Variants in PHACTR2 observed in about 807,000 individuals in gnomAD.
PHACTR2 encodes chromosome 6 open reading frame 56.
Under a neutral mutation model 76.0 loss-of-function variants are expected in PHACTR2, and 30 were observed. The ratio of observed to expected loss-of-function variants is 0.39; its 90% CI spans 0.30 to 0.54. The LOEUF (loss-of-function observed/expected upper bound fraction) is 0.54. Among genes scored for constraint, PHACTR2 ranks in the 20% least tolerant of loss-of-function variants. The pLI is 0.61. For missense variants in PHACTR2, 696 were observed against 781.1 expected (o/e 0.89, Z 1.30); for synonymous variants, 292 against 292.5 (o/e 1.00, Z 0.02).
intron 4 of PHACTR2, among the ~76,000 whole-genome samples, chr6:143,756,149 C>T (rs968209530): frequency 5.3e-5 from 8 of 152,116 alleles, no homozygotes; most frequent in African/African-American, 1.9e-4. Context: ...GACAATATCT[C>T]AATACTTTAA....
At chr6:143,771,170 A>ATGTG (rs1562300708) in intron 6 of PHACTR2, among the ~76,000 whole-genome samples, 8 of 27,526 alleles carry the variant, frequency 2.9e-4, no homozygotes, top group African/African-American at 1.1e-3. Flanking sequence ...ATATATATAT[A>ATGTG]TATGTATATA....
chr6:143,682,817 TAGCTATGGGTTTCTTC>T (rs1448773261), intron 1 of PHACTR2, among the ~76,000 whole-genome samples: 1 of 152,150 alleles, frequency 6.6e-6, no homozygotes, highest in African/African-American at 2.4e-5. Flanking sequence ...ACTGTGCTAT[TAGCTATGGGTTTCTTC>T]ATAGGTTCAC....
intron 1 of PHACTR2, among the ~76,000 whole-genome samples, chr6:143,655,999 G>A (rs925743636): frequency 1.3e-5 from 2 of 152,190 alleles, no homozygotes; most frequent in Admixed American, 6.5e-5. Context: ...TCAAAAAAGA[G>A]TTCTTTATTC....
chr6:143,767,491 A>G lies in PHACTR2; in HGVS notation c.1232+1693A>G, dbSNP rs559993630. On this transcript the variant is annotated intron_variant, in intron 6 of 12. Transcript: ENST00000440869. This position sits in a 1 kb window ranked among gnomAD's most constrained non-coding sequence, Gnocchi z 4.4. ...ATTTTAATAAAAGATATGGGAAAAG[A>G]AGATTTATTGAAATGAACGGTTATG... is the stretch of plus-strand genomic sequence containing the variant. 1.3e-5 allele frequency among the ~76,000 whole-genome samples: 2 copies of G among 152,352 alleles called. No individual in the cohort carries two copies. Among genetic ancestry groups the G allele is most frequent in the South Asian group, 4.1e-4 (2 of 4,826 alleles).
At position 143,570,308 on chromosome 6, in the gene PHACTR2, T is replaced by C. The variant is rs1476230345; in HGVS notation, c.217+33101T>C. On this transcript the variant is annotated intron_variant, in intron 1 of 11. Coordinates refer to the PHACTR2 transcript ENST00000367584. The surrounding 1 kb of genome is among the most constrained non-coding windows in gnomAD (Gnocchi z 4.6). ...AGGTGAAGCCCCATTTGTTTTTCCA[T>C]TCAGCCACCCGCTGGCCCTAATCAC... is the stretch of plus-strand genomic sequence containing the variant. Among the ~76,000 whole-genome samples, 2 of 152,202 alleles carry C rather than the reference T, an allele frequency of 1.3e-5. No homozygotes were observed. The highest frequency in any genetic ancestry group is 1.3e-4 in the Admixed American group (2 of 15,288).
rs757942771 is a variant in PHACTR2 at position 143,739,589 on chromosome 6, C to T, written c.215-9396C>T. Among the ~76,000 whole-genome samples, 1 of 152,166 alleles carries T rather than the reference C, an allele frequency of 6.6e-6. No homozygotes were observed. Among genetic ancestry groups the T allele is most frequent in the Admixed American group, 6.5e-5 (1 of 15,280 alleles). On this transcript the variant is annotated intron_variant, in intron 2 of 12. Coordinates refer to ENST00000440869, the MANE Select transcript of PHACTR2 (RefSeq NM_001100164.2). The surrounding 1 kb of genome is among the most constrained non-coding windows in gnomAD (Gnocchi z 4.3). ...TTCAAAAACACCTGTCTTAGGCATT[C>T]GTGTTTCTTATGAGTTTGCGAGAGT...
rs1778705301 is a variant in PHACTR2, at chr6:143,731,741, T to C, written c.215-17244T>C. Among the ~76,000 whole-genome samples the C allele has an allele frequency of 6.6e-6, 1 of 152,246 alleles. No individual in the cohort carries two copies. The highest frequency in any genetic ancestry group is 1.5e-5 in the Non-Finnish European group (1 of 68,044). On this transcript the variant is annotated intron_variant, in intron 2 of 12. Transcript: ENST00000440869. The surrounding 1 kb of genome is among the most constrained non-coding windows in gnomAD (Gnocchi z 4.9). ...GGCAACACCAACTTTATACAATCAG[T>C]TGGCAACTGTTCCCTCCTCTTCTGT...
At chr6:143,747,698 A>G (rs982168627) in intron 2 of PHACTR2, among the ~76,000 whole-genome samples, 4 of 152,204 alleles carry the variant, frequency 2.6e-5, no homozygotes, top group Non-Finnish European at 5.9e-5. Context: ...AAAGTGCCCT[A>G]GACTCCTTAT....
At chr6:143,565,819 G>T (rs1268520340) in intron 1 of PHACTR2, among the ~76,000 whole-genome samples, 4 of 152,120 alleles carry the variant, frequency 2.6e-5, no homozygotes, top group Non-Finnish European at 5.9e-5. Flanking sequence ...GTTGCTGCAG[G>T]GTGGAGTGAG....
intron 1 of PHACTR2, among the ~76,000 whole-genome samples, chr6:143,576,702 C>T (rs1480943776): frequency 6.6e-6 from 1 of 151,898 alleles, no homozygotes; most frequent in East Asian, 1.9e-4. Context: ...CATGGCAAAA[C>T]CCCATCTCTA....
chr6:143,763,648 G>A (rs1399234645), intron 5 of PHACTR2, among the ~76,000 whole-genome samples: 1 of 152,098 alleles, frequency 6.6e-6, no homozygotes, highest in African/African-American at 2.4e-5. Context: ...AAAACCATAG[G>A]GATTCCTTTT....
chr6:143,558,805 G>A lies in PHACTR2; in HGVS notation c.217+21598G>A, dbSNP rs566706307. Among the ~76,000 whole-genome samples the A allele has an allele frequency of 6.6e-6, 1 of 152,190 alleles. No individual in the cohort carries two copies. Among genetic ancestry groups the A allele is most frequent in the African/African-American group, 2.4e-5 (1 of 41,448 alleles). ...GTTAGGATTTGTAGACCTCTGAGGA[G>A]GATTTCAGGACCTTGCTGCAAACAG... is the stretch of plus-strand genomic sequence containing the variant. On this transcript the variant is annotated intron_variant, in intron 1 of 11. Transcript: ENST00000367584. This position sits in a 1 kb window ranked among gnomAD's most constrained non-coding sequence, Gnocchi z 4.7.
chr6:143,771,227 T>C (rs1444342594), intron 6 of PHACTR2, among the ~76,000 whole-genome samples: 1 of 116,086 alleles, frequency 8.6e-6, no homozygotes, highest in African/African-American at 3.4e-5. Flanking sequence ...TATATATATA[T>C]ATATATATGC....
At position 143,610,883 on chromosome 6, in the gene PHACTR2, A is replaced by C. The variant is rs1775964161; in HGVS notation, c.13+2561A>C. On this transcript the variant is annotated intron_variant, in intron 1 of 11. Transcript: ENST00000305766. This position sits in a 1 kb window ranked among gnomAD's most constrained non-coding sequence, Gnocchi z 4.9. ...TGGAATATGTCAGGGCAATTTTAGC[A>C]ATATCTAACATTTTCTTCTTTTTTT... is the stretch of plus-strand genomic sequence containing the variant. Among the ~76,000 whole-genome samples the C allele has an allele frequency of 6.6e-6, 1 of 152,184 alleles. No individual in the cohort carries two copies. Among genetic ancestry groups the C allele is most frequent in the South Asian group, 2.1e-4 (1 of 4,820 alleles).
In PHACTR2 at chr6:143,765,246, GTC is replaced by G. The variant is rs1562298151; in HGVS notation, c.695-9_695-8del. 2 of 1,583,170 alleles carry G rather than the reference GTC, an allele frequency of 1.3e-6. No homozygotes were observed. Among genetic ancestry groups the G allele is most frequent in the South Asian group, 1.1e-5 (1 of 88,060 alleles). ...GTATTCTTTGATTTTTTAATGCAAG[GTC>G]TCTCTATTGTAGCTGGCTCCTCTCA... On this transcript the variant is annotated splice_polypyrimidine_tract_variant and intron_variant, in intron 5 of 12. Transcript: ENST00000440869. This position sits in a 1 kb window ranked among gnomAD's most constrained non-coding sequence, Gnocchi z 4.1.
intron 11 of PHACTR2, among the ~76,000 whole-genome samples, chr6:143,804,501 A>G (rs1434040653): frequency 6.6e-6 from 1 of 152,214 alleles, no homozygotes; most frequent in Non-Finnish European, 1.5e-5. Context: ...TCACCTCTTG[A>G]TGGGGGAATA....
chr6:143,644,677 A>G (rs1195744525), intron 1 of PHACTR2, among the ~76,000 whole-genome samples: 1 of 151,904 alleles, frequency 6.6e-6, no homozygotes, highest in Non-Finnish European at 1.5e-5. Context: ...TTACAAATAT[A>G]ATTGGCAACC....
At chr6:143,705,455 C>T (rs1361137880) in intron 1 of PHACTR2, among the ~76,000 whole-genome samples, 1 of 152,060 alleles carries the variant, frequency 6.6e-6, no homozygotes, top group African/African-American at 2.4e-5. Flanking sequence ...CCACTGCGCC[C>T]AGCCAATTTT....
intron 1 of PHACTR2, among the ~76,000 whole-genome samples, chr6:143,622,927 A>G (rs1261329876): frequency 1.3e-5 from 2 of 152,254 alleles, no homozygotes; most frequent in African/African-American, 4.8e-5. Context: ...TATCAAAGGC[A>G]TAAGACCTGT....
Sources: allele counts gnomAD v4.1 joint callset (sites outside exome capture counted in the v4.1 genomes callset), GRCh38; gene constraint gnomAD v4.1.1; non-coding constraint Gnocchi (gnomAD v3.1); transcripts MANE v1.5; gene names NCBI Gene and HGNC (gene_info 2026-07-23, HGNC 2026-07-21).